CCDC141: variants seen among roughly 807,000 people sequenced by gnomAD.
CCDC141 encodes the protein coiled-coil domain containing 141.
In CCDC141, 168 loss-of-function variants were observed where a neutral mutation model predicts 181.0. The observed-to-expected ratio is 0.93, with a 90% confidence interval of 0.82 to 1.05. CCDC141 has a LOEUF of 1.05. Ranked by LOEUF, CCDC141 falls within the 50% of genes least tolerant of loss-of-function variation. The pLI, the probability that CCDC141 is intolerant of heterozygous loss-of-function variation, is 0.00. For synonymous variants in CCDC141, 666 were observed against 642.3 expected (o/e 1.04, Z -0.56); for missense variants, 1,902 against 1,788.5 (o/e 1.06, Z -1.14).
At chr2:178,890,979 A>G (rs1267563377) in intron 8 of CCDC141, among the ~76,000 whole-genome samples, 1 of 152,194 alleles carries the variant, frequency 6.6e-6, no homozygotes, top group Non-Finnish European at 1.5e-5. Flanking sequence ...TTCAATTTTT[A>G]GCCAATGAAA....
Position 178,891,990 on chromosome 2 carries a change from GTC to G in CCDC141, c.1266-3324_1266-3323del, listed in dbSNP as rs537949713. Among the ~76,000 whole-genome samples, 696 of 152,188 alleles carry G rather than the reference GTC, an allele frequency of 4.6e-3. 5 individuals are homozygous for G. Among genetic ancestry groups the G allele is most frequent in the Non-Finnish European group, 6.9e-3 (467 of 68,002 alleles). ...GCCCATTTTCAAATCAAATAAAATA[GTC>G]TCTGGTCATTATTTAAGGGAAGAAA... On this transcript the variant is annotated intron_variant, in intron 8 of 23. Transcript: ENST00000443758.
At chr2:179,033,045 T>C (rs1020799718) in intron 2 of CCDC141, among the ~76,000 whole-genome samples, 3 of 148,426 alleles carry the variant, frequency 2.0e-5, no homozygotes, top group African/African-American at 7.4e-5. Flanking sequence ...AGTCTATAGT[T>C]TAGAAAAGAT....
chr2:178,962,391 C>T (rs934131483), intron 4 of CCDC141, among the ~76,000 whole-genome samples: 12 of 152,120 alleles, frequency 7.9e-5, no homozygotes, highest in African/African-American at 2.7e-4. Context: ...TCCTTCATCC[C>T]GCCATCATCA....
chr2:179,026,988 T>C (rs2042864404), intron 2 of CCDC141, among the ~76,000 whole-genome samples: 1 of 152,236 alleles, frequency 6.6e-6, no homozygotes, highest in Non-Finnish European at 1.5e-5. Flanking sequence ...TCATTGTATC[T>C]AGGAAATAAC....
At position 178,894,709 on chromosome 2, in the gene CCDC141, G is replaced by A. The variant is rs533840807; in HGVS notation, c.1266-6041C>T. ...AATACCCTGAGGACCCATGGAGAGT[G>A]CAACACAGAGAGTTAAAATAGTGAA... On this transcript the variant is annotated intron_variant, in intron 8 of 23. Coordinates refer to ENST00000443758, the MANE Select transcript of CCDC141 (RefSeq NM_173648.4). 1.1e-3 allele frequency among the ~76,000 whole-genome samples: 164 copies of A among 152,054 alleles called. 1 individual carries two copies. The highest frequency in any genetic ancestry group is 3.7e-3 in the African/African-American group (155 of 41,540).
intron 8 of CCDC141, among the ~76,000 whole-genome samples, chr2:178,900,581 C>T (rs1269414522): frequency 6.6e-6 from 1 of 152,110 alleles, no homozygotes; most frequent in Non-Finnish European, 1.5e-5. Context: ...ATAAACGTAT[C>T]AGCCATTACA....
chr2:178,851,464 C>T (rs775063301), intron 20 of CCDC141, among the ~76,000 whole-genome samples: 8 of 152,128 alleles, frequency 5.3e-5, no homozygotes, highest in South Asian at 2.1e-4. Context: ...TGGGATGGGG[C>T]GCTAATCCAA....
chr2:178,903,711 C>G (rs1316830572), intron 8 of CCDC141, among the ~76,000 whole-genome samples: 2 of 150,968 alleles, frequency 1.3e-5, no homozygotes, highest in Non-Finnish European at 2.9e-5. Context: ...ACATATGTAA[C>G]TAACCTGCAC....
intron 2 of CCDC141, among the ~76,000 whole-genome samples, chr2:179,038,089 G>A (rs532782930): frequency 6.6e-6 from 1 of 152,132 alleles, no homozygotes; most frequent in Non-Finnish European, 1.5e-5. Context: ...CATTCATAAG[G>A]GCCAAAAAGT....
chr2:178,915,185 A>AAAAG (rs949543589), intron 7 of CCDC141, among the ~76,000 whole-genome samples: 5 of 152,120 alleles, frequency 3.3e-5, no homozygotes, highest in Non-Finnish European at 4.4e-5. Context: ...CCCTGAAAAA[A>AAAAG]AAAGAAAGAA....
Position 178,918,716 on chromosome 2 carries a change from G to A in CCDC141, c.1089C>T (p.Asn363=). 6.5e-7 allele frequency: 1 copy of A among 1,550,266 alleles called. No individual in the cohort carries two copies. The highest frequency in any genetic ancestry group is 8.7e-7 in the Non-Finnish European group (1 of 1,146,802). Residue 363 remains asparagine, a synonymous_variant, in exon 7 of 24, where the codon AAC becomes AAT. Coordinates refer to ENST00000443758, the MANE Select transcript of CCDC141 (RefSeq NM_173648.4). Reference sequence around the variant, plus strand: ...ATCAACTTGACCTCACACTGACCTTGTTAGCACTGTTAAAAAATTCATTCG... The same window carrying A: ...ATCAACTTGACCTCACACTGACCTTATTAGCACTGTTAAAAAATTCATTCG... ...KKANEFFNSA[N]KAFDVLGRVE... is the part of the protein sequence containing the mutation.
chr2:178,823,434 GC>G, the CCDC141 span, among the ~76,000 whole-genome samples: 1 of 151,978 alleles, frequency 6.6e-6, no homozygotes, highest in African/African-American at 2.4e-5. Flanking sequence ...TAAACCATTA[GC>G]AATAAAAAAG....
intron 7 of CCDC141, among the ~76,000 whole-genome samples, chr2:178,911,584 C>G (rs1288587300): frequency 1.3e-5 from 2 of 152,152 alleles, no homozygotes; most frequent in Non-Finnish European, 2.9e-5. Flanking sequence ...TTATCACCAA[C>G]TATAAGAACT....
At chr2:178,933,777 G>A (rs1448907796) in intron 6 of CCDC141, among the ~76,000 whole-genome samples, 1 of 152,136 alleles carries the variant, frequency 6.6e-6, no homozygotes, top group Non-Finnish European at 1.5e-5. Flanking sequence ...ACAGCAGCCA[G>A]GCACATAATG....
chr2:178,979,296 T>C (rs886575151), intron 2 of CCDC141, among the ~76,000 whole-genome samples: 1 of 152,180 alleles, frequency 6.6e-6, no homozygotes, highest in Non-Finnish European at 1.5e-5. Context: ...ATTCTTGAAG[T>C]TGACACCAAA....
At chr2:178,981,671 C>CGT (rs1691413306) in intron 2 of CCDC141, among the ~76,000 whole-genome samples, 3 of 111,776 alleles carry the variant, frequency 2.7e-5, no homozygotes, top group Non-Finnish European at 5.3e-5. Flanking sequence ...TACATATATA[C>CGT]ATATATATAT....
chr2:178,868,766 G>A (rs1299845768), intron 15 of CCDC141, among the ~76,000 whole-genome samples: 2 of 152,176 alleles, frequency 1.3e-5, no homozygotes, highest in African/African-American at 4.8e-5. Flanking sequence ...TACACAATGA[G>A]CTGTAGGATT....
At chr2:178,908,006 TA>T (rs1410196973) in intron 7 of CCDC141, among the ~76,000 whole-genome samples, 45 of 140,042 alleles carry the variant, frequency 3.2e-4, no homozygotes, top group Admixed American at 4.9e-4. Context: ...TCTCAAAAAA[TA>T]AAAAAAAAAA....
chr2:178,843,227 G>C (rs1684802607), intron 22 of CCDC141, among the ~76,000 whole-genome samples: 1 of 152,134 alleles, frequency 6.6e-6, no homozygotes, highest in South Asian at 2.1e-4. Flanking sequence ...GAGAATTGGG[G>C]TGACTGCCAG....
Sources: gnomAD v4.1 joint callset for allele counts (sites outside exome capture counted in the v4.1 genomes callset) on GRCh38, gnomAD v4.1.1 for gene constraint, MANE v1.5 for transcripts, NCBI Gene and HGNC (gene_info 2026-07-23, HGNC 2026-07-21) for gene names.